Variants in TVP23C observed in about 807,000 individuals in gnomAD.
TVP23C encodes the protein Golgi apparatus membrane protein TVP23 homolog C.
Under a neutral mutation model 28.7 loss-of-function variants are expected in TVP23C, and 19 were observed. The ratio of observed to expected loss-of-function variants is 0.66; its 90% CI spans 0.46 to 0.97. The LOEUF is 0.97. Ranked by LOEUF, TVP23C falls within the 50% of genes least tolerant of loss-of-function variation. The pLI is 0.00. For synonymous variants in TVP23C, 68 were observed against 81.7 expected, an observed-to-expected ratio of 0.83 and a Z score of 0.90; for missense variants, 186 against 241.3, an observed-to-expected ratio of 0.77 and a Z score of 1.52.
In TVP23C at chr17:15,537,995, TATAA is replaced by T. The variant is rs1369389198; in HGVS notation, c.*2413_*2416del. ...TAATATGAAAACTACTTTTCCTTTTTATAAATAAAGTTTTTAAGTGGAAAAACAA... is the reference window on the plus strand; with the variant it reads ...TAATATGAAAACTACTTTTCCTTTTTATAAAGTTTTTAAGTGGAAAAACAA... On this transcript the variant is annotated 3_prime_UTR_variant, in exon 6 of 6. Transcript: ENST00000518321. 1 of 1,493,692 alleles carries T rather than the reference TATAA, an allele frequency of 6.7e-7. No homozygotes were observed. Among genetic ancestry groups the T allele is most frequent in the African/African-American group, 1.4e-5 (1 of 70,060 alleles). The allele number at this position is 1,493,692 out of a possible 1,614,324, so 92.5% of individuals were successfully genotyped here.
chr17:15,544,574 T>G (rs1477908430), intron 5 of TVP23C, among the ~76,000 whole-genome samples: 1 of 151,666 alleles, frequency 6.6e-6, no homozygotes, highest in Non-Finnish European at 1.5e-5. Flanking sequence ...CTAGAAGGAC[T>G]AAAATAAGAC....
intron 2 of TVP23C, among the ~76,000 whole-genome samples, chr17:15,554,324 A>C (rs565502734): frequency 2.1e-5 from 3 of 139,664 alleles, no homozygotes; most frequent in African/African-American, 8.1e-5. Flanking sequence ...TGCAAACTTC[A>C]CCTCCTGGGT....
At position 15,540,060 on chromosome 17, in the gene TVP23C, T is replaced by C. The variant is rs1983346751; in HGVS notation, c.*352A>G. 1.8e-6 allele frequency: 2 copies of C among 1,098,828 alleles called. No homozygotes were observed. The highest frequency in any genetic ancestry group is 4.9e-5 in the South Asian group (2 of 41,148). The allele number at this position is 1,098,828 out of a possible 1,614,324, so 68.1% of individuals were successfully genotyped here. A position where few individuals can be genotyped will look rare whatever the true frequency, so the allele number is the denominator to read the frequency against. ...GTGAGCCGAGATTGCACCACTGCAC[T>C]CCAGCCTGGGCGACAGAGCAAAACT... On this transcript the variant is annotated 3_prime_UTR_variant, in exon 6 of 6. Coordinates refer to ENST00000518321, the MANE Select transcript of TVP23C (RefSeq NM_001135036.2).
At position 15,523,297 on chromosome 17, in the gene TVP23C, G is replaced by A. The variant is rs1026877347; in HGVS notation, c.463-20065C>T. On this transcript the variant is annotated intron_variant, in intron 5 of 5. Coordinates refer to the TVP23C transcript ENST00000225576. The stretch of plus-strand genomic sequence containing the variant: ...TAGGATTACAGGCATGAGCCACCCC[G>A]CCAGGCCTTTTTTTTCTTTTTTTTT... Among the ~76,000 whole-genome samples the A allele has an allele frequency of 1.9e-4, 29 of 149,708 alleles. No homozygotes were observed. The East Asian group carries it at 5.0e-3, about 26-fold the overall frequency.
chr17:15,502,793 CCTCTCTCCTCTCTCTCCTCT>C, exon 6 of TVP23C: 8 of 1,473,050 alleles, frequency 5.4e-6, no homozygotes, highest in East Asian at 2.3e-5. Flanking sequence ...CTCCCTCTCT[CCTCTCTCCTCTCTCTCCTCT>C]CTCTCTCTCT....
In TVP23C at chr17:15,539,689, A is replaced by G; in HGVS notation, c.*723T>C. The G allele has an allele frequency of 1.0e-6, 1 of 985,392 alleles. No individual in the cohort carries two copies. Among genetic ancestry groups the G allele is most frequent in the Non-Finnish European group, 1.2e-6 (1 of 829,926 alleles). 61.0% of individuals were successfully genotyped at this position (985,392 alleles called of 1,614,324 possible). On this transcript the variant is annotated 3_prime_UTR_variant, in exon 6 of 6. Coordinates refer to ENST00000518321, the MANE Select transcript of TVP23C (RefSeq NM_001135036.2). ...CCTATGACTACTACTCATCCTGCTG[A>G]AAACCCTGATGTTGAGGTATTATAG...
intron 5 of TVP23C, among the ~76,000 whole-genome samples, chr17:15,519,636 C>G (rs1222314410): frequency 6.6e-6 from 1 of 152,130 alleles, no homozygotes; most frequent in Non-Finnish European, 1.5e-5. Context: ...GGTGGCCAGG[C>G]GCGGTGGCTC....
intron 2 of TVP23C, 24 bp downstream of exon 2, chr17:15,555,258 A>G (rs1984076076): frequency 6.2e-7 from 1 of 1,613,836 alleles, no homozygotes; most frequent in Non-Finnish European, 8.5e-7. Context: ...ACACTAACAC[A>G]GCTCATGCAA....
intron 3 of TVP23C, among the ~76,000 whole-genome samples, chr17:15,549,021 T>C (rs1343082592): frequency 6.6e-6 from 1 of 152,230 alleles, no homozygotes; most frequent in African/African-American, 2.4e-5. Flanking sequence ...GGGGAACTAC[T>C]ACACATATAA....
intron 1 of TVP23C, among the ~76,000 whole-genome samples, chr17:15,561,321 G>T (rs1407647315): frequency 1.3e-5 from 2 of 152,178 alleles, no homozygotes; most frequent in Non-Finnish European, 2.9e-5. Context: ...ACAGTCGGCC[G>T]GGCCTGGCGG....
intron 5 of TVP23C, among the ~76,000 whole-genome samples, chr17:15,521,587 T>C (rs1395123168): frequency 6.6e-6 from 1 of 152,132 alleles, no homozygotes; most frequent in African/African-American, 2.4e-5. Context: ...GAAATGTAAC[T>C]GAAAAGAGAG....
At chr17:15,534,598 CACACACACACA>C (rs1567637800), downstream of TVP23C, among the ~76,000 whole-genome samples, 1 of 148,294 alleles carries the variant, frequency 6.7e-6, no homozygotes, top group African/African-American at 2.5e-5. Flanking sequence ...CACACACACA[CACACACACACA>C]CACCCTTACC....
At position 15,507,372 on chromosome 17, in the gene TVP23C, T is replaced by A; in HGVS notation, c.463-4140A>T. ...TCTAATAAGTTTCACTTACGCTTTA[T>A]CTTAACCACTGGACCATTCCTTCTG... On this transcript the variant is annotated intron_variant, in intron 5 of 5. Coordinates refer to the TVP23C transcript ENST00000225576. The A allele has an allele frequency of 2.9e-6, 2 of 685,384 alleles. 1 individual carries two copies. The highest frequency in any genetic ancestry group is 5.3e-6 in the Non-Finnish European group (2 of 374,564). 42.5% of individuals were successfully genotyped at this position (685,384 alleles called of 1,614,324 possible).
chr17:15,523,885 T>C (rs1426303015), intron 5 of TVP23C, among the ~76,000 whole-genome samples: 1 of 152,208 alleles, frequency 6.6e-6, no homozygotes, highest in African/African-American at 2.4e-5. Flanking sequence ...AGTGCTGGGA[T>C]TACAGGCGTG....
At chr17:15,507,261 G>A in intron 5 of TVP23C, 2 of 741,872 alleles carry the variant, frequency 2.7e-6, no homozygotes, top group South Asian at 2.7e-5. Context: ...GGTGAGAGAA[G>A]GCATGAATAT....
At chr17:15,562,890 C>A (rs1597555327) in intron 1 of TVP23C, 3 of 152,912 alleles carry the variant, frequency 2.0e-5, no homozygotes, top group African/African-American at 7.2e-5. Context: ...GAAAAAAACA[C>A]TTAAGACAAT....
chr17:15,507,592 A>T (rs1352849100), intron 5 of TVP23C, among the ~76,000 whole-genome samples: 1 of 152,204 alleles, frequency 6.6e-6, no homozygotes, highest in African/African-American at 2.4e-5. Flanking sequence ...TAATCCCAGC[A>T]CTTTGGGAGG....
Position 15,518,804 on chromosome 17 carries a change from T to G in TVP23C, c.463-15572A>C, listed in dbSNP as rs1003310363. ...CACTAGATGAAGGTTTTCCAACCCT[T>G]CCTCAGGCCAAGTCACCTTGTGATA... On this transcript the variant is annotated intron_variant, in intron 5 of 5. Transcript: ENST00000225576. 2.0e-5 allele frequency among the ~76,000 whole-genome samples: 3 copies of G among 152,134 alleles called. No individual in the cohort carries two copies. In the East Asian group the frequency reaches 5.8e-4, roughly 29 times the overall value.
chr17:15,536,229 T>C (rs1597527075), downstream of TVP23C, among the ~76,000 whole-genome samples: 1 of 152,270 alleles, frequency 6.6e-6, no homozygotes. Flanking sequence ...AGGGCTACTA[T>C]ACCCACAAGA....
Sources: gnomAD v4.1 joint callset for allele counts (sites outside exome capture counted in the v4.1 genomes callset) on GRCh38, gnomAD v4.1.1 for gene constraint, MANE v1.5 for transcripts, NCBI Gene and HGNC (gene_info 2026-07-23, HGNC 2026-07-21) for gene names.